The following PREPL variants were observed in gnomAD, a reference collection of about 807,000 sequenced individuals.
The protein encoded by PREPL is prolyl endopeptidase like, also known as prolyl endopeptidase-like.
In PREPL, 77 loss-of-function variants were observed where a neutral mutation model predicts 70.6. The observed-to-expected ratio is 1.09, with a 90% CI of 0.91 to 1.32. The LOEUF (loss-of-function observed/expected upper bound fraction) is 1.32, where lower values mean the gene tolerates loss of function less well. Among genes scored for constraint, PREPL ranks in the 40% most tolerant of loss-of-function variants. The probability of loss-of-function intolerance (pLI) is 0.00; values close to 1 mark genes in which losing one functional copy is unlikely to be tolerated. For missense variants in PREPL, 1,002 were observed against 778.2 expected, an observed-to-expected ratio of 1.29 and a Z score of -3.42; for synonymous variants, 315 against 264.8, an observed-to-expected ratio of 1.19 and a Z score of -1.84.
intron 10 of PREPL, among the ~76,000 whole-genome samples, chr2:44,323,642 TA>T (rs1673203228): frequency 1.3e-5 from 2 of 152,226 alleles, no homozygotes; most frequent in Non-Finnish European, 2.9e-5. Context: ...GTTTATCTTC[TA>T]ATTTCACAAT....
At position 44,320,336 on chromosome 2, in the gene PREPL, G is replaced by A. The variant is rs1451791536; in HGVS notation, c.*1020C>T. 4 of 1,614,012 alleles carry A rather than the reference G, an allele frequency of 2.5e-6. No individual in the cohort carries two copies. Among genetic ancestry groups the A allele is most frequent in the Non-Finnish European group, 3.4e-6 (4 of 1,179,980 alleles). On this transcript the variant is annotated 3_prime_UTR_variant, in exon 14 of 14. Transcript: ENST00000409411. The stretch of plus-strand genomic sequence containing the variant: ...GCCACTATGTTGTGTACACAAGAGA[G>A]CTGGATGGCATCGACAGAATCTTTA...
intron 4 of PREPL, among the ~76,000 whole-genome samples, chr2:44,343,396 A>C (rs1028823459): frequency 6.6e-6 from 1 of 152,214 alleles, no homozygotes; most frequent in Non-Finnish European, 1.5e-5. Context: ...AAATTAAAAA[A>C]ATACATTCAA....
intron 7 of PREPL, 145 bp downstream of exon 7, chr2:44,338,204 CAA>C (rs1331018981): frequency 3.9e-6 from 3 of 762,822 alleles, no homozygotes; most frequent in Non-Finnish European, 6.2e-6. Context: ...CTCCTAAACC[CAA>C]GAGTGACTTT....
At chr2:44,344,246 G>A (rs1416412687) in intron 3 of PREPL, among the ~76,000 whole-genome samples, 3 of 152,052 alleles carry the variant, frequency 2.0e-5, no homozygotes, top group Non-Finnish European at 2.9e-5. Flanking sequence ...GAATATAAAT[G>A]ACAATCAACA....
intron 1 of PREPL, chr2:44,359,906 A>G: frequency 5.4e-6 from 3 of 552,424 alleles, no homozygotes; most frequent in Non-Finnish European, 9.6e-6. Flanking sequence ...AACTAAATCT[A>G]AAAACCTGTG....
rs1280213773 is a variant in PREPL, at chr2:44,318,838, T to C, written c.*2518A>G. 6.6e-6 allele frequency: 1 copy of C among 152,190 alleles called. No individual in the cohort carries two copies. The highest frequency in any genetic ancestry group is 1.5e-5 in the Non-Finnish European group (1 of 68,030). 9.4% of individuals were successfully genotyped at this position (152,190 alleles called of 1,614,324 possible). The stretch of plus-strand genomic sequence containing the variant: ...GCATTATATGAGACAAAGGCAATTT[T>C]CAAAAATTGATAAAACATTCCACCA... On this transcript the variant is annotated 3_prime_UTR_variant, in exon 14 of 14. Coordinates refer to ENST00000409411, the MANE Select transcript of PREPL (RefSeq NM_001171613.2).
In PREPL at chr2:44,319,991, C is replaced by T. The variant is rs939213618; in HGVS notation, c.*1365G>A. The T allele has an allele frequency of 5.3e-5, 30 of 566,496 alleles. No individual in the cohort carries two copies. Among genetic ancestry groups the T allele is most frequent in the African/African-American group, 7.5e-5 (4 of 53,298 alleles). 35.1% of individuals were successfully genotyped at this position (566,496 alleles called of 1,614,324 possible). A position where few individuals can be genotyped will look rare whatever the true frequency, so the allele number is the denominator to read the frequency against. On this transcript the variant is annotated 3_prime_UTR_variant, in exon 14 of 14. Transcript: ENST00000409411. Reference sequence around the variant, plus strand: ...AGCACTGTGCGTACTTATTGACTCCCAGACAAGCCGAAACCCCGAATTTGT... The same window carrying T: ...AGCACTGTGCGTACTTATTGACTCCTAGACAAGCCGAAACCCCGAATTTGT...
chr2:44,334,384 C>A (rs575736985), intron 7 of PREPL, among the ~76,000 whole-genome samples: 1 of 152,242 alleles, frequency 6.6e-6, no homozygotes, highest in African/African-American at 2.4e-5. Context: ...CTAAATAAAA[C>A]TGATGTTAGC....
chr2:44,324,161 G>A (rs1457626638), intron 10 of PREPL, among the ~76,000 whole-genome samples: 1 of 152,202 alleles, frequency 6.6e-6, no homozygotes, highest in Non-Finnish European at 1.5e-5. Context: ...TATAATCTAA[G>A]TGAAATAAGC....
At chr2:44,321,672 T>A in intron 13 of PREPL, 155 bp downstream of exon 13, 1 of 1,539,352 alleles carries the variant, frequency 6.5e-7, no homozygotes, top group Non-Finnish European at 8.8e-7. Context: ...TTCTCTTGAT[T>A]GACACAGTGT....
intron 1 of PREPL, among the ~76,000 whole-genome samples, chr2:44,358,910 A>G (rs530965471): frequency 6.6e-6 from 1 of 152,298 alleles, no homozygotes; most frequent in South Asian, 2.1e-4. Flanking sequence ...ATTAGATTTT[A>G]TTAAGAGCTA....
intron 7 of PREPL, among the ~76,000 whole-genome samples, chr2:44,333,698 T>C (rs569503735): frequency 1.3e-5 from 2 of 152,338 alleles, no homozygotes; most frequent in Admixed American, 1.3e-4. Context: ...GCTCCTAATG[T>C]ATGCTTCTCA....
At chr2:44,342,300 T>C in intron 5 of PREPL, 117 bp downstream of exon 5, 3 of 902,318 alleles carry the variant, frequency 3.3e-6, no homozygotes, top group Non-Finnish European at 4.8e-6. Context: ...ATGATCGTTT[T>C]AGCCTTATTA....
intron 1 of PREPL, among the ~76,000 whole-genome samples, chr2:44,351,514 TA>T (rs56070602): frequency 0.63 from 90,523 of 144,246 alleles, 28,356 homozygotes; most frequent in Middle Eastern, 0.7. Flanking sequence ...CTCGCCCTAT[TA>T]AAAAAAAAAA....
At position 44,320,895 on chromosome 2, in the gene PREPL, C is replaced by CTGT; in HGVS notation, c.*460_*461insACA. On this transcript the variant is annotated 3_prime_UTR_variant, in exon 14 of 14. Transcript: ENST00000409411. ...AGGGATGACCAGAACACATTAGGAC[C>CTGT]CCAGATTATTCAAAAACTTTAACGA... The CTGT allele has an allele frequency of 2.1e-6, 1 of 478,624 alleles. No individual in the cohort carries two copies. The highest frequency in any genetic ancestry group is 3.7e-6 in the Non-Finnish European group (1 of 267,858). The allele number at this position is 478,624 out of a possible 1,614,324, so 29.6% of individuals were successfully genotyped here. A position where few individuals can be genotyped will look rare whatever the true frequency, so the allele number is the denominator to read the frequency against.
chr2:44,343,588 G>A (rs1181846599), intron 4 of PREPL, among the ~76,000 whole-genome samples, 157 bp downstream of exon 4: 1 of 152,080 alleles, frequency 6.6e-6, no homozygotes, highest in Non-Finnish European at 1.5e-5. Context: ...AATAAGGGAA[G>A]GTCTCCTGAA....
intron 1 of PREPL, among the ~76,000 whole-genome samples, chr2:44,348,178 G>A (rs886289734): frequency 1.3e-5 from 2 of 152,034 alleles, no homozygotes; most frequent in Admixed American, 6.6e-5. Context: ...ATAGGTGTGT[G>A]CCTCCTCATT....
Position 44,343,967 on chromosome 2 carries a change from T to C in PREPL, c.143-16A>G, listed in dbSNP as rs765271455. The C allele has an allele frequency of 2.5e-6, 4 of 1,608,960 alleles. No homozygotes were observed. Among genetic ancestry groups the C allele is most frequent in the Non-Finnish European group, 2.5e-6 (3 of 1,178,372 alleles). Reference sequence around the variant, plus strand: ...TCATTGTCTGCTGTATAAAGAAAAATACGAAAGTGATAACTTCAAAGGATG... The same window carrying C: ...TCATTGTCTGCTGTATAAAGAAAAACACGAAAGTGATAACTTCAAAGGATG... On this transcript the variant is annotated splice_polypyrimidine_tract_variant and intron_variant, in intron 3 of 13. Transcript: ENST00000409411.
At position 44,338,383 on chromosome 2, in the gene PREPL, C is replaced by G. The variant is rs749185406; in HGVS notation, c.856G>C (p.Gly286Arg). The change falls in exon 7 of 14, where the codon GGT becomes CGT. Residue 286 changes from glycine to arginine, a missense_variant. Gly to Arg is a moderately radical substitution (Grantham distance 125). Transcript: ENST00000409411. ...GACCGAACTGAATCATCAGCCAGACCAATCACATTAACATAAAGGAGATTG... is the reference window on the plus strand; with the variant it reads ...GACCGAACTGAATCATCAGCCAGACGAATCACATTAACATAAAGGAGATTG... ...HSNLLYVNVI[G>R]LADDSVRSLK... is the part of the protein sequence containing the mutation. 1.2e-6 allele frequency: 2 copies of G among 1,612,562 alleles called. No homozygotes were observed. Among genetic ancestry groups the G allele is most frequent in the African/African-American group, 2.7e-5 (2 of 74,838 alleles).
Sources: allele counts gnomAD v4.1 joint callset (sites outside exome capture counted in the v4.1 genomes callset), GRCh38; gene constraint gnomAD v4.1.1; transcripts MANE v1.5; gene names NCBI Gene and HGNC (gene_info 2026-07-23, HGNC 2026-07-21).